The following TNS1 variants were observed in gnomAD, a reference collection of about 807,000 sequenced individuals.
The protein encoded by TNS1 is tensin-1.
In TNS1, 62 loss-of-function variants were observed where a neutral mutation model predicts 168.6. That is an observed-to-expected ratio of 0.37 (90% CI 0.30 to 0.45). TNS1 has a LOEUF of 0.45. Among genes scored for constraint, TNS1 ranks in the 20% least tolerant of loss-of-function variants. The pLI is 1.00. For synonymous variants in TNS1, 934 were observed against 933.2 expected, an observed-to-expected ratio of 1.00 and a Z score of -0.02; for missense variants, 2,240 against 2,339.4, an observed-to-expected ratio of 0.96 and a Z score of 0.88.
intron 3 of TNS1, among the ~76,000 whole-genome samples, chr2:217,969,029 A>G (rs750487879): frequency 1.2e-4 from 19 of 152,140 alleles, no homozygotes; most frequent in Non-Finnish European, 2.5e-4. Flanking sequence ...ATACTCCCCC[A>G]GTTGGCCCAC....
At chr2:217,942,410 C>T (rs541859821) in intron 3 of TNS1, among the ~76,000 whole-genome samples, 6 of 152,338 alleles carry the variant, frequency 3.9e-5, no homozygotes, top group South Asian at 2.1e-4. Context: ...GTCTCTCCCC[C>T]CAACCTCTCC....
chr2:217,840,927 TG>T (rs60697601), intron 19 of TNS1, among the ~76,000 whole-genome samples: 67,369 of 151,518 alleles, frequency 0.44, 16,240 homozygotes, highest in African/African-American at 0.66. Flanking sequence ...CTCTGGCTCA[TG>T]CAGACAGGAG....
chr2:217,898,210 C>A (rs979836963), intron 7 of TNS1, among the ~76,000 whole-genome samples: 2 of 152,238 alleles, frequency 1.3e-5, no homozygotes, highest in African/African-American at 4.8e-5. Flanking sequence ...CATTTCAGAA[C>A]CAAACTGTGA....
rs1028492976 is a variant in TNS1 at position 217,880,321 on chromosome 2, T to G, written c.1429+577A>C. ...TATTAATTTCAATTCTGCTGCTTTC[T>G]TTTCAAATTTCAGAGCCTATCAGTT... On this transcript the variant is annotated intron_variant, in intron 18 of 32. Coordinates refer to ENST00000682258, the MANE Select transcript of TNS1 (RefSeq NM_001387777.1). This position sits in a 1 kb window ranked among gnomAD's most constrained non-coding sequence, Gnocchi z 4.2. Among the ~76,000 whole-genome samples, 2 of 152,252 alleles carry G rather than the reference T, an allele frequency of 1.3e-5. No homozygotes were observed. The highest frequency in any genetic ancestry group is 4.8e-5 in the African/African-American group (2 of 41,472).
chr2:217,983,917 AAGTC>A (rs1230122613), intron 2 of TNS1, among the ~76,000 whole-genome samples: 1 of 152,228 alleles, frequency 6.6e-6, no homozygotes, highest in Non-Finnish European at 1.5e-5. Flanking sequence ...GTTTCTGAGA[AAGTC>A]GGTTGGTTTT....
At chr2:217,889,129 G>C (rs572388749) in intron 12 of TNS1, among the ~76,000 whole-genome samples, 5 of 152,198 alleles carry the variant, frequency 3.3e-5, no homozygotes, top group Non-Finnish European at 2.9e-5. Context: ...GAAGACTCTC[G>C]TTGATCCACA....
chr2:217,867,490 AC>A (rs1949381450), intron 18 of TNS1, among the ~76,000 whole-genome samples: 1 of 152,268 alleles, frequency 6.6e-6, no homozygotes, highest in Admixed American at 6.5e-5. Flanking sequence ...CATAGTGCAC[AC>A]ATACAGTGGA....
At chr2:217,978,469 G>T (rs1319944781) in intron 3 of TNS1, among the ~76,000 whole-genome samples, 1 of 151,126 alleles carries the variant, frequency 6.6e-6, no homozygotes, top group African/African-American at 2.4e-5. Context: ...ACCTTCAAAG[G>T]CCGCTCTCTG....
chr2:217,848,749 A>G lies in TNS1; in HGVS notation c.1768T>C (p.Ser590Pro), dbSNP rs1559231335. The G allele has an allele frequency of 1.2e-6, 2 of 1,614,152 alleles. No individual in the cohort carries two copies. The highest frequency in any genetic ancestry group is 1.7e-5 in the Admixed American group (1 of 60,020). ...GAMYHTQHLR[S>P]RPAGGSAVPS... Reference sequence around the variant, plus strand: ...ACAGCCGAGCCCCCTGCTGGGCGGGACCTGAGGTGCTGGGTGTGGTACATG... The same window carrying G: ...ACAGCCGAGCCCCCTGCTGGGCGGGGCCTGAGGTGCTGGGTGTGGTACATG... The change falls in exon 19 of 33, where the codon TCC becomes CCC. Residue 590 changes from serine to proline, a missense_variant. Physicochemically the swap from Ser to Pro is moderately conservative, Grantham distance 74. Around this residue, in one of 2 missense-constraint regions of TNS1, gnomAD observed 2,131 missense variants for 2,171.2 expected, o/e 0.98. Transcript: ENST00000682258.
chr2:217,815,180 G>C (rs1204069212), intron 24 of TNS1, 182 bp from the exon 25 acceptor site: 2 of 596,238 alleles, frequency 3.4e-6, no homozygotes, highest in African/African-American at 3.7e-5. Flanking sequence ...CAGTATGCCT[G>C]TATGCCTGGT....
In TNS1 at chr2:218,020,202, C is replaced by T. The variant is rs974519200; in HGVS notation, c.156+13618G>A. Among the ~76,000 whole-genome samples, 4 of 152,254 alleles carry T rather than the reference C, an allele frequency of 2.6e-5. No homozygotes were observed. In the South Asian group the frequency reaches 6.2e-4, roughly 24 times the overall value. ...AGCATTGTGCAGGACCCAGCCATGG[C>T]GGCTGTGGGGGTGCTAAAATATTTC... On this transcript the variant is annotated intron_variant, in intron 1 of 1. Coordinates refer to the TNS1 transcript ENST00000649572.
At chr2:217,838,390 T>C (rs889278027) in intron 19 of TNS1, among the ~76,000 whole-genome samples, 8 of 152,190 alleles carry the variant, frequency 5.3e-5, no homozygotes, top group African/African-American at 1.9e-4. Flanking sequence ...GTAGAGAATG[T>C]GAGATCCTGG....
intron 3 of TNS1, among the ~76,000 whole-genome samples, chr2:217,940,467 A>C (rs965943188): frequency 6.6e-6 from 1 of 152,182 alleles, no homozygotes; most frequent in Non-Finnish European, 1.5e-5. Flanking sequence ...CTGGTGCCTC[A>C]GGCTCACGGC....
chr2:217,994,070 G>A (rs1958425388), intron 1 of TNS1, among the ~76,000 whole-genome samples: 2 of 152,106 alleles, frequency 1.3e-5, no homozygotes, highest in Admixed American at 1.3e-4. Flanking sequence ...GGCCTCTGAG[G>A]GGTAGATCCA....
At chr2:217,861,446 T>C (rs1018253984) in intron 18 of TNS1, among the ~76,000 whole-genome samples, 4 of 152,122 alleles carry the variant, frequency 2.6e-5, no homozygotes, top group Non-Finnish European at 4.4e-5. Context: ...AAACAGCCCA[T>C]GTGGGCGCTC....
At chr2:217,854,366 CTG>C (rs374095646) in intron 18 of TNS1, among the ~76,000 whole-genome samples, 81 of 152,352 alleles carry the variant, frequency 5.3e-4, no homozygotes, top group African/African-American at 1.9e-3. Flanking sequence ...AGACCCTTCC[CTG>C]TCGGACCAGC....
At chr2:217,979,876 C>G (rs374449253) in intron 2 of TNS1, among the ~76,000 whole-genome samples, 5 of 152,198 alleles carry the variant, frequency 3.3e-5, no homozygotes, top group Middle Eastern at 6.8e-3. Context: ...CACAGCCATC[C>G]ACCTCCTTCT....
intron 4 of TNS1, among the ~76,000 whole-genome samples, chr2:217,917,855 C>G (rs2888530): frequency 2.1e-5 from 3 of 141,002 alleles, no homozygotes; most frequent in Non-Finnish European, 3.1e-5. Flanking sequence ...AAAAGACTTG[C>G]GACTGGGGGA....
Position 217,895,006 on chromosome 2 carries a change from C to G in TNS1, c.594G>C (p.Lys198Asn). Residue 198 changes from lysine to asparagine, a missense_variant and splice_region_variant, in exon 9 of 33, where the codon AAG (lysine) becomes AAC (asparagine). Around this residue, in one of 2 missense-constraint regions of TNS1, gnomAD observed 2,131 missense variants for 2,171.2 expected, o/e 0.98. Transcript: ENST00000682258. ...RRPDITKLHA[K>N]VLEFGWPDLH... ...TACCCCAAAACAGCCCCTGGCTCAC[C>G]TTGGCATGGAGCTTCGTGATGTCAG... 6.2e-7 allele frequency: 1 copy of G among 1,613,000 alleles called. No individual in the cohort carries two copies. The highest frequency in any genetic ancestry group is 8.5e-7 in the Non-Finnish European group (1 of 1,179,670).
Sources: allele counts gnomAD v4.1 joint callset (sites outside exome capture counted in the v4.1 genomes callset), GRCh38; gene constraint gnomAD v4.1.1; regional missense constraint gnomAD v4.1.1; non-coding constraint Gnocchi (gnomAD v3.1); transcripts MANE v1.5; gene names NCBI Gene and HGNC (gene_info 2026-07-23, HGNC 2026-07-21).